The following RBM47 variants were observed in gnomAD, a reference collection of about 807,000 sequenced individuals.
The protein encoded by RBM47 is RNA binding motif protein 47, also known as RNA-binding protein 47.
In RBM47, 21 loss-of-function variants were observed where a neutral mutation model predicts 47.1. The observed-to-expected ratio is 0.45, with a 90% CI of 0.32 to 0.64. The LOEUF is 0.64. RBM47 is among the 30% of genes least tolerant of loss of function. The pLI is 0.05. For missense variants in RBM47, 708 were observed against 870.9 expected (o/e 0.81, Z 2.35); for synonymous variants, 375 against 361.7 (o/e 1.04, Z -0.42).
intron 2 of RBM47, among the ~76,000 whole-genome samples, chr4:40,498,054 T>TTATATAGATATATATATATATATATATA: frequency 9.1e-6 from 1 of 109,880 alleles, no homozygotes; most frequent in Non-Finnish European, 2.0e-5. Context: ...AGTGCTTGTT[T>TTATATAGATATATATATATATATATATA]TATATATATA....
intron 2 of RBM47, among the ~76,000 whole-genome samples, chr4:40,522,967 C>CTT (rs529306760): frequency 1.8e-4 from 21 of 116,880 alleles, no homozygotes; most frequent in East Asian, 2.5e-4. Flanking sequence ...TCTCAAAAAT[C>CTT]TTTTTTTTTT....
chr4:40,553,488 G>T (rs1729776781), intron 1 of RBM47, among the ~76,000 whole-genome samples: 1 of 151,994 alleles, frequency 6.6e-6, no homozygotes, highest in Non-Finnish European at 1.5e-5. Context: ...AGTAAAGATG[G>T]CATTTCACCA....
chr4:40,605,871 A>T (rs960899926), intron 1 of RBM47, among the ~76,000 whole-genome samples: 5 of 151,932 alleles, frequency 3.3e-5, no homozygotes, highest in Non-Finnish European at 7.4e-5. Context: ...CCATTTAAGA[A>T]ATGAGATAGT....
Position 40,449,588 on chromosome 4 carries a change from C to T in RBM47, c.-31-10664G>A, listed in dbSNP as rs73148199. Among the ~76,000 whole-genome samples the T allele has an allele frequency of 3.7e-3, 562 of 152,292 alleles. 4 individuals are homozygous for T. The highest frequency in any genetic ancestry group is 0.013 in the African/African-American group (531 of 41,552). On this transcript the variant is annotated intron_variant, in intron 3 of 6. Coordinates refer to ENST00000295971, the MANE Select transcript of RBM47 (RefSeq NM_001098634.2). ...GGGAGGCCTGCTGTGTACTACAAGACGGCTGAAGCCACCCTCCCGAAAGGG... is the reference window on the plus strand; with the variant it reads ...GGGAGGCCTGCTGTGTACTACAAGATGGCTGAAGCCACCCTCCCGAAAGGG...
At chr4:40,506,333 G>A (rs1023163620) in intron 2 of RBM47, among the ~76,000 whole-genome samples, 3 of 152,170 alleles carry the variant, frequency 2.0e-5, no homozygotes, top group Non-Finnish European at 2.9e-5. Context: ...TTAAGTAAGA[G>A]TCCGGTTCCG....
At chr4:40,570,210 CA>C (rs1157245502) in intron 1 of RBM47, among the ~76,000 whole-genome samples, 3 of 151,960 alleles carry the variant, frequency 2.0e-5, no homozygotes, top group East Asian at 3.9e-4. Context: ...ATGATTCAAG[CA>C]CATTACATTT....
At chr4:40,630,552 GGGGCCT>G (rs1738134658), upstream of RBM47, 3 of 152,252 alleles carry the variant, frequency 2.0e-5, no homozygotes, top group African/African-American at 7.2e-5. Flanking sequence ...AGCAGGGCCT[GGGGCCT>G]GGGCGCTGCT....
rs879410874 is a variant in RBM47, at chr4:40,520,195, C to T, written c.-155+24227G>A. On this transcript the variant is annotated intron_variant, in intron 2 of 6. Coordinates refer to ENST00000295971, the MANE Select transcript of RBM47 (RefSeq NM_001098634.2). ...GTATTAGAATTCCCCGTGTTCTATA[C>T]GGCACTTGGCACATAAAAGTCTCAT... Among the ~76,000 whole-genome samples the T allele has an allele frequency of 2.0e-4, 30 of 152,234 alleles. No homozygotes were observed. The East Asian group carries it at 4.8e-3, about 24-fold the overall frequency.
At chr4:40,562,369 G>T (rs1253400813) in intron 1 of RBM47, among the ~76,000 whole-genome samples, 1 of 151,908 alleles carries the variant, frequency 6.6e-6, no homozygotes, top group Admixed American at 6.6e-5. Context: ...CCAAAGACAA[G>T]ATCATTCTAC....
At chr4:40,579,749 AT>A (rs60806221) in intron 1 of RBM47, among the ~76,000 whole-genome samples, 11,912 of 145,754 alleles carry the variant, frequency 0.082, 781 homozygotes, top group African/African-American at 0.19. Flanking sequence ...CTTTAGGGTA[AT>A]TTTTTTTTTT....
intron 2 of RBM47, among the ~76,000 whole-genome samples, chr4:40,530,561 A>C (rs1727291676): frequency 6.6e-6 from 1 of 152,116 alleles, no homozygotes; most frequent in Non-Finnish European, 1.5e-5. Flanking sequence ...CGGCCTCCCA[A>C]AGTGCTGGGA....
intron 6 of RBM47, among the ~76,000 whole-genome samples, chr4:40,428,491 C>A (rs533319274): frequency 6.6e-6 from 1 of 152,216 alleles, no homozygotes; most frequent in African/African-American, 2.4e-5. Flanking sequence ...GGGAGAGGAG[C>A]TCCAGAACTG....
At chr4:40,588,798 T>A (rs752406500) in intron 1 of RBM47, among the ~76,000 whole-genome samples, 1 of 151,970 alleles carries the variant, frequency 6.6e-6, no homozygotes, top group African/African-American at 2.4e-5. Context: ...CATTAGTTAA[T>A]AAGCAGGAGC....
rs963474879 is a variant in RBM47, at chr4:40,629,651, A to G, written c.-495T>C. The G allele has an allele frequency of 6.6e-6, 1 of 152,214 alleles. No individual in the cohort carries two copies. The highest frequency in any genetic ancestry group is 1.5e-5 in the Non-Finnish European group (1 of 68,066). 9.4% of individuals were successfully genotyped at this position (152,214 alleles called of 1,614,324 possible). A position where few individuals can be genotyped will look rare whatever the true frequency, so the allele number is the denominator to read the frequency against. On this transcript the variant is annotated 5_prime_UTR_variant, in exon 1 of 7. Coordinates refer to ENST00000295971, the MANE Select transcript of RBM47 (RefSeq NM_001098634.2). ...CTTAACCTTGGAGACTTGCAGAGAG[A>G]AAGTCTCCAGGAGGACCGCTCCCCA... is the stretch of plus-strand genomic sequence containing the variant.
At chr4:40,525,274 C>T (rs1228842324) in intron 2 of RBM47, among the ~76,000 whole-genome samples, 1 of 152,088 alleles carries the variant, frequency 6.6e-6, no homozygotes, top group East Asian at 1.9e-4. Flanking sequence ...CCTGTCTCTA[C>T]TAAAAATACG....
chr4:40,623,731 A>G (rs911219007), intron 1 of RBM47, among the ~76,000 whole-genome samples: 1 of 152,144 alleles, frequency 6.6e-6, no homozygotes, highest in African/African-American at 2.4e-5. Context: ...TAATGACCTA[A>G]TAAGTTTTTT....
At chr4:40,603,247 T>G (rs971321252) in intron 1 of RBM47, among the ~76,000 whole-genome samples, 3 of 152,208 alleles carry the variant, frequency 2.0e-5, no homozygotes, top group Admixed American at 6.6e-5. Context: ...GAACATGGGT[T>G]TGTGGCTTTA....
In RBM47 at chr4:40,526,373, T is replaced by C. The variant is rs191547540; in HGVS notation, c.-155+18049A>G. ...GAAGATAGAGTTTAATTCCATGGTG[T>C]TTGAGTCACAGGACCTTAGAACACT... is the stretch of plus-strand genomic sequence containing the variant. On this transcript the variant is annotated intron_variant, in intron 2 of 6. Transcript: ENST00000295971. Among the ~76,000 whole-genome samples, 38 of 151,736 alleles carry C rather than the reference T, an allele frequency of 2.5e-4. 1 individual carries two copies. The highest frequency in any genetic ancestry group is 2.9e-5 in the Non-Finnish European group (2 of 68,012).
At chr4:40,578,221 T>C (rs186297255) in intron 1 of RBM47, among the ~76,000 whole-genome samples, 201 of 152,334 alleles carry the variant, frequency 1.3e-3, no homozygotes, top group African/African-American at 4.5e-3. Context: ...CCTGCTTTAA[T>C]CCTTAAAGTA....
Sources: gnomAD v4.1 joint callset for allele counts (sites outside exome capture counted in the v4.1 genomes callset) on GRCh38, gnomAD v4.1.1 for gene constraint, MANE v1.5 for transcripts, NCBI Gene and HGNC (gene_info 2026-07-23, HGNC 2026-07-21) for gene names.